The following SLC46A3 variants were observed in gnomAD, a reference collection of about 807,000 sequenced individuals.
SLC46A3 encodes the protein solute carrier family 46 member 3, also known as lysosomal proton-coupled steroid conjugate and bile acid symporter SLC46A3.
Under a neutral mutation model 38.5 loss-of-function variants are expected in SLC46A3, and 26 were observed. The ratio of observed to expected loss-of-function variants is 0.68; its 90% confidence interval spans 0.49 to 0.94. The LOEUF is 0.94. SLC46A3 is among the 40% of genes least tolerant of loss of function. SLC46A3 has a pLI of 0.00. For synonymous variants in SLC46A3, 185 were observed against 192.5 expected (o/e 0.96, Z 0.32); for missense variants, 510 against 544.3 (o/e 0.94, Z 0.63).
rs771526040 is a variant in SLC46A3 at position 28,704,035 on chromosome 13, A to C, written c.1209T>G (p.Phe403Leu). 18 of 1,613,916 alleles carry C rather than the reference A, an allele frequency of 1.1e-5. No homozygotes were observed. The highest frequency in any genetic ancestry group is 1.5e-5 in the Non-Finnish European group (18 of 1,179,858). Residue 403 changes from phenylalanine to leucine, a missense_variant, in exon 5 of 6, where the codon TTT (phenylalanine) becomes TTG (leucine). Physicochemically the swap from Phe to Leu is conservative, Grantham distance 22 (BLOSUM62 0). Transcript: ENST00000266943. ...CAACAGTGGCTGAGTAAATTCCATTAAAAGTAGAAACTGCAGTGACTCCTC... is the reference window on the plus strand; with the variant it reads ...CAACAGTGGCTGAGTAAATTCCATTCAAAGTAGAAACTGCAGTGACTCCTC... ...TLGGVTAVSTFNGIYSATVAW... is the reference protein window; with the variant it reads ...TLGGVTAVSTLNGIYSATVAW...
intron 4 of SLC46A3, among the ~76,000 whole-genome samples, chr13:28,706,865 A>C (rs2137825891): frequency 6.6e-6 from 1 of 152,338 alleles, no homozygotes; most frequent in East Asian, 1.9e-4. Flanking sequence ...ATCTCACACC[A>C]GTTAGAATGG....
intron 3 of SLC46A3, among the ~76,000 whole-genome samples, chr13:28,712,095 G>A (rs1404950082): frequency 1.3e-5 from 2 of 152,286 alleles, no homozygotes; most frequent in East Asian, 3.9e-4. Flanking sequence ...TCATTTTATA[G>A]TTCCACAGCC....
intron 4 of SLC46A3, among the ~76,000 whole-genome samples, chr13:28,704,837 C>A (rs547782521): frequency 6.6e-6 from 1 of 152,188 alleles, no homozygotes; most frequent in Non-Finnish European, 1.5e-5. Context: ...AGGTGCCTTA[C>A]AAGATGAAGA....
rs935256652 is a variant in SLC46A3 at position 28,701,358 on chromosome 13, T to A, written c.*139A>T. 1 of 1,450,288 alleles carries A rather than the reference T, an allele frequency of 6.9e-7. No individual in the cohort carries two copies. The highest frequency in any genetic ancestry group is 9.1e-7 in the Non-Finnish European group (1 of 1,103,342). The allele number at this position is 1,450,288 out of a possible 1,614,324, so 89.8% of individuals were successfully genotyped here. ...AAGCTAAAGCCAGGAGCTGTCTCTC[T>A]GACTGTTCAGTTTAGAAGAAAAGAT... On this transcript the variant is annotated 3_prime_UTR_variant, in exon 6 of 6. Coordinates refer to ENST00000266943, the MANE Select transcript of SLC46A3 (RefSeq NM_181785.4).
Position 28,700,130 on chromosome 13 carries a change from C to T in SLC46A3, c.*1367G>A, listed in dbSNP as rs964627188. ...GATATAATGAGTAATCAAAGGTTGT[C>T]CCAGTACTCAAGGCGATGATTGTCA... is the stretch of plus-strand genomic sequence containing the variant. On this transcript the variant is annotated 3_prime_UTR_variant, in exon 6 of 6. Coordinates refer to ENST00000266943, the MANE Select transcript of SLC46A3 (RefSeq NM_181785.4). The T allele has an allele frequency of 6.6e-6, 1 of 151,970 alleles. No individual in the cohort carries two copies. The highest frequency in any genetic ancestry group is 1.5e-5 in the Non-Finnish European group (1 of 68,026). The allele number at this position is 151,970 out of a possible 1,614,324, so 9.4% of individuals were successfully genotyped here. A position where few individuals can be genotyped will look rare whatever the true frequency, so the allele number is the denominator to read the frequency against.
In SLC46A3 at chr13:28,718,883, T is replaced by C. The variant is rs1885619855; in HGVS notation, c.-412A>G. On this transcript the variant is annotated 5_prime_UTR_variant, in exon 1 of 6. Coordinates refer to ENST00000266943, the MANE Select transcript of SLC46A3 (RefSeq NM_181785.4). ...GCTGCTCCTTCTGCGCAGTGGACAA[T>C]CGGCCAATCGGCGCCTCCGTCGGTC... 1 of 152,182 alleles carries C rather than the reference T, an allele frequency of 6.6e-6. No individual in the cohort carries two copies. The highest frequency in any genetic ancestry group is 1.5e-5 in the Non-Finnish European group (1 of 68,058). The allele number at this position is 152,182 out of a possible 1,614,324, so 9.4% of individuals were successfully genotyped here.
intron 4 of SLC46A3, among the ~76,000 whole-genome samples, chr13:28,710,150 G>A (rs1885301730): frequency 6.6e-6 from 1 of 152,228 alleles, no homozygotes; most frequent in Admixed American, 6.5e-5. Context: ...GTAGCCCAGG[G>A]TGAACTGGCC....
chr13:28,706,294 A>T (rs1772361), intron 4 of SLC46A3, among the ~76,000 whole-genome samples: 2 of 152,172 alleles, frequency 1.3e-5, no homozygotes, highest in Non-Finnish European at 2.9e-5. Flanking sequence ...ATGAGAGCCA[A>T]CTGAAAACTT....
chr13:28,715,586 T>A (rs1384963962), intron 2 of SLC46A3, among the ~76,000 whole-genome samples: 1 of 152,206 alleles, frequency 6.6e-6, no homozygotes, highest in African/African-American at 2.4e-5. Flanking sequence ...AGAAATTTGT[T>A]AAAGGATACA....
Position 28,701,415 on chromosome 13 carries a change from T to G in SLC46A3, c.*82A>C. 6.4e-7 allele frequency: 1 copy of G among 1,559,616 alleles called. No homozygotes were observed. Among genetic ancestry groups the G allele is most frequent in the Non-Finnish European group, 8.6e-7 (1 of 1,157,280 alleles). On this transcript the variant is annotated 3_prime_UTR_variant, in exon 6 of 6. Transcript: ENST00000266943. ...AATTGGTTCTCAGTGAAGCACTGAT[T>G]GTGGAATTCATTTATAGTCTTCAGA...
Position 28,712,715 on chromosome 13 carries a change from G to A in SLC46A3, c.1025C>T (p.Thr342Ile), listed in dbSNP as rs755374829. ...CATCAGTGTTGTACTGGCAAACGCG[G>A]TCATAGCCATTCCTGTCATCGTGGT... ...IFTTMTGMAM[T>I]AFASTTLMMF... The change falls in exon 3 of 6, where the codon ACC becomes ATC. Residue 342 changes from threonine to isoleucine, a missense_variant. Physicochemically the swap from Thr to Ile is moderately conservative, Grantham distance 89. Transcript: ENST00000266943. 6.2e-7 allele frequency: 1 copy of A among 1,606,456 alleles called. No homozygotes were observed. Among genetic ancestry groups the A allele is most frequent in the Admixed American group, 1.7e-5 (1 of 58,002 alleles).
chr13:28,702,736 A>G (rs1337322805), intron 5 of SLC46A3, among the ~76,000 whole-genome samples: 1 of 152,266 alleles, frequency 6.6e-6, no homozygotes, highest in African/African-American at 2.4e-5. Flanking sequence ...AGAATTCAAT[A>G]GAAACAATAA....
At chr13:28,711,444 A>G (rs558436836) in intron 3 of SLC46A3, among the ~76,000 whole-genome samples, 3 of 151,976 alleles carry the variant, frequency 2.0e-5, no homozygotes, top group Non-Finnish European at 4.4e-5. Flanking sequence ...AAAAACAAAA[A>G]AAAAAACTGA....
Position 28,712,718 on chromosome 13 carries a change from A to AG in SLC46A3, c.1021_1022insC (p.Met341ThrfsTer40). The AG allele has an allele frequency of 6.2e-7, 1 of 1,606,944 alleles. No homozygotes were observed. The highest frequency in any genetic ancestry group is 8.5e-7 in the Non-Finnish European group (1 of 1,178,236). ...CAGTGTTGTACTGGCAAACGCGGTC[A>AG]TAGCCATTCCTGTCATCGTGGTAAA... On this transcript the variant is annotated frameshift_variant, in exon 3 of 6. Coordinates refer to ENST00000266943, the MANE Select transcript of SLC46A3 (RefSeq NM_181785.4). LOFTEE classifies it high-confidence loss of function.
chr13:28,712,579 A>T lies in SLC46A3; in HGVS notation c.1060+101T>A, dbSNP rs1232100658. 4.8e-6 allele frequency: 6 copies of T among 1,256,664 alleles called. No individual in the cohort carries two copies. In the Admixed American group the frequency reaches 1.5e-4, roughly 31 times the overall value. The allele number at this position is 1,256,664 out of a possible 1,614,324, so 77.8% of individuals were successfully genotyped here. ...CCTTTAATTGAACTAGAATGGCTTA[A>T]ATAGAGGGCTTTAGATTAAAGTTTC... On this transcript the variant is annotated intron_variant, in intron 3 of 5. Transcript: ENST00000266943.
intron 2 of SLC46A3, among the ~76,000 whole-genome samples, chr13:28,713,888 C>T (rs1232784090): frequency 6.6e-6 from 1 of 152,194 alleles, no homozygotes; most frequent in East Asian, 1.9e-4. Context: ...CTCATACATA[C>T]AGCCTGAAGG....
At chr13:28,717,251 G>T (rs1030379323) in intron 2 of SLC46A3, among the ~76,000 whole-genome samples, 1 of 152,064 alleles carries the variant, frequency 6.6e-6, no homozygotes, top group African/African-American at 2.4e-5. Context: ...GAGAGCCAAG[G>T]CTGATTTGAT....
At chr13:28,714,357 C>G (rs554566292) in intron 2 of SLC46A3, among the ~76,000 whole-genome samples, 1 of 152,134 alleles carries the variant, frequency 6.6e-6, no homozygotes, top group African/African-American at 2.4e-5. Context: ...CGCTTATAAT[C>G]CCAGCACTGT....
intron 4 of SLC46A3, among the ~76,000 whole-genome samples, chr13:28,710,552 G>A (rs535248707): frequency 1.1e-4 from 17 of 152,338 alleles, no homozygotes; most frequent in South Asian, 8.3e-4. Context: ...GCCCAGAGCC[G>A]AGGGAGCTCT....
Sources: allele counts gnomAD v4.1 joint callset (sites outside exome capture counted in the v4.1 genomes callset), GRCh38; gene constraint gnomAD v4.1.1; transcripts MANE v1.5; gene names NCBI Gene and HGNC (gene_info 2026-07-23, HGNC 2026-07-21).